Variants in CFAP96 observed in about 807,000 individuals in gnomAD.
CFAP96 encodes the protein cilia-and flagella-associated protein 96.
the CFAP96 span, among the ~76,000 whole-genome samples, chr4:185,414,550 TCG>T: frequency 6.6e-6 from 1 of 152,136 alleles, no homozygotes; most frequent in African/African-American, 2.4e-5. Context: ...CAGGGTATTC[TCG>T]CTCTCCCTAA....
chr4:185,445,602 A>C, the CFAP96 span: 1 of 1,082,398 alleles, frequency 9.2e-7, no homozygotes, highest in Non-Finnish European at 1.4e-6. Flanking sequence ...TAATGCTTTG[A>C]GAAAAAGTAT....
chr4:185,412,436 ATT>A, the CFAP96 span, among the ~76,000 whole-genome samples: 1 of 152,036 alleles, frequency 6.6e-6, no homozygotes, highest in Non-Finnish European at 1.5e-5. Flanking sequence ...TCGTATATGC[ATT>A]TTTTTAATTC....
chr4:185,443,347 T>A, the CFAP96 span, among the ~76,000 whole-genome samples: 170 of 105,006 alleles, frequency 1.6e-3, no homozygotes, highest in African/African-American at 5.5e-3. Flanking sequence ...TATATATTTT[T>A]TTTTTTTTTT....
chr4:185,429,464 A>G, the CFAP96 span: 1 of 1,538,854 alleles, frequency 6.5e-7, no homozygotes, highest in Non-Finnish European at 8.7e-7. Context: ...CTCTTTAGTG[A>G]GATGGAATAT....
the CFAP96 span, among the ~76,000 whole-genome samples, chr4:185,429,955 A>G: frequency 1.3e-5 from 2 of 152,216 alleles, no homozygotes; most frequent in Non-Finnish European, 2.9e-5. Context: ...AAGAGGCATG[A>G]GCCACAGCAC....
chr4:185,444,428 G>A, the CFAP96 span, among the ~76,000 whole-genome samples: 21 of 152,172 alleles, frequency 1.4e-4, no homozygotes, highest in African/African-American at 5.1e-4. Flanking sequence ...TTTCTGTCTT[G>A]TGTACAGGTT....
At chr4:185,411,943 T>G in the CFAP96 span, among the ~76,000 whole-genome samples, 1 of 152,222 alleles carries the variant, frequency 6.6e-6, no homozygotes, top group African/African-American at 2.4e-5. Flanking sequence ...GATTGATATG[T>G]AACATATACG....
the CFAP96 span, among the ~76,000 whole-genome samples, chr4:185,414,695 A>G: frequency 6.6e-6 from 1 of 152,210 alleles, no homozygotes; most frequent in Non-Finnish European, 1.5e-5. Flanking sequence ...GTTTTCTCCA[A>G]AATTCCTCTA....
At chr4:185,417,354 C>T in the CFAP96 span, among the ~76,000 whole-genome samples, 1 of 152,198 alleles carries the variant, frequency 6.6e-6, no homozygotes. Flanking sequence ...CATTCTACAT[C>T]TGTAAATCTA....
chr4:185,415,301 T>C, the CFAP96 span: 1 of 1,601,726 alleles, frequency 6.2e-7, no homozygotes, highest in Non-Finnish European at 8.5e-7. Context: ...CATTTTTCCA[T>C]GTCAGTTAGT....
At chr4:185,434,729 C>T in the CFAP96 span, among the ~76,000 whole-genome samples, 1 of 151,894 alleles carries the variant, frequency 6.6e-6, no homozygotes, top group Non-Finnish European at 1.5e-5. Context: ...GAACCGTAGG[C>T]ATTTATTATA....
the CFAP96 span, chr4:185,445,068 C>T: frequency 6.4e-7 from 1 of 1,551,554 alleles, no homozygotes; most frequent in Non-Finnish European, 8.7e-7. Context: ...ATAAGATTTT[C>T]CACCCACCAA....
At chr4:185,441,564 GGC>G in the CFAP96 span, among the ~76,000 whole-genome samples, 2 of 151,392 alleles carry the variant, frequency 1.3e-5, no homozygotes, top group East Asian at 1.9e-4. Flanking sequence ...TTTTCGGAGT[GGC>G]TCTCTTTACC....
the CFAP96 span, chr4:185,449,458 G>A: frequency 5.7e-6 from 3 of 524,174 alleles, no homozygotes; most frequent in African/African-American, 2.0e-5. Flanking sequence ...AGGAGGTTGA[G>A]GTTGCAGTGA....
the CFAP96 span, among the ~76,000 whole-genome samples, chr4:185,416,828 A>G: frequency 6.6e-6 from 1 of 152,242 alleles, no homozygotes; most frequent in African/African-American, 2.4e-5. Flanking sequence ...TGATAGTACC[A>G]GATTATAAAC....
chr4:185,449,808 A>C, the CFAP96 span: 1 of 460,162 alleles, frequency 2.2e-6, no homozygotes, highest in African/African-American at 2.0e-5. Flanking sequence ...ACTAGTTAAT[A>C]AATAGTATTT....
chr4:185,429,976 G>A, the CFAP96 span, among the ~76,000 whole-genome samples: 6 of 152,200 alleles, frequency 3.9e-5, no homozygotes, highest in Non-Finnish European at 7.3e-5. Flanking sequence ...CCAGCAAGAA[G>A]GTGATTTTAT....
the CFAP96 span, among the ~76,000 whole-genome samples, chr4:185,413,176 G>A: frequency 6.6e-6 from 1 of 151,806 alleles, no homozygotes; most frequent in African/African-American, 2.4e-5. Context: ...GTGGTGGCAG[G>A]TGCCTGTAAC....
the CFAP96 span, among the ~76,000 whole-genome samples, chr4:185,438,960 T>G: frequency 6.6e-6 from 1 of 152,218 alleles, no homozygotes; most frequent in Non-Finnish European, 1.5e-5. Context: ...TTTTCTTGGC[T>G]TTGAATAGTT....
Sources: gnomAD v4.1 joint callset for allele counts (sites outside exome capture counted in the v4.1 genomes callset) on GRCh38, gnomAD v4.1.1 for gene constraint, MANE v1.5 for transcripts, NCBI Gene and HGNC (gene_info 2026-07-23, HGNC 2026-07-21) for gene names.